The following PARD3 variants were observed in gnomAD, a reference collection of about 807,000 sequenced individuals.
PARD3 encodes partitioning defective 3 homolog.
PARD3 carries 75 observed loss-of-function variants against 155.4 expected under a neutral mutation model. The observed-to-expected ratio is 0.48, with a 90% CI of 0.40 to 0.58. The LOEUF is 0.58. Ranked by LOEUF, PARD3 falls within the 20% of genes least tolerant of loss-of-function variation. PARD3 has a pLI of 0.00. For missense variants in PARD3, 1,642 were observed against 1,721.7 expected (o/e 0.95, Z 0.82); for synonymous variants, 576 against 610.5 (o/e 0.94, Z 0.83).
At chr10:34,342,600 T>C (rs1433610491) in intron 15 of PARD3, among the ~76,000 whole-genome samples, 2 of 152,198 alleles carry the variant, frequency 1.3e-5, no homozygotes, top group East Asian at 3.9e-4. Flanking sequence ...TGGAGTGATC[T>C]TGATGCAAAA....
At chr10:34,406,416 G>A (rs181070932) in intron 5 of PARD3, among the ~76,000 whole-genome samples, 4 of 152,242 alleles carry the variant, frequency 2.6e-5, no homozygotes, top group African/African-American at 9.6e-5. Flanking sequence ...CCTAGAACAC[G>A]GGAGAAATGG....
In PARD3 at chr10:34,716,585, C is replaced by CTTTT. The variant is rs34751073; in HGVS notation, c.121-20170_121-20167dup. Among the ~76,000 whole-genome samples, 537 of 73,118 alleles carry CTTTT rather than the reference C, an allele frequency of 7.3e-3. 7 individuals carry two copies. Among genetic ancestry groups the CTTTT allele is most frequent in the Non-Finnish European group, 9.8e-3 (386 of 39,326 alleles). 48.0% of individuals were successfully genotyped at this position (73,118 alleles called of 152,430 possible). ...CTACGTGTGGCCCAGGATGGCTTTTCTTTTTTTTTTTTTTTTTTTTTTTTG... is the reference window on the plus strand; with the variant it reads ...CTACGTGTGGCCCAGGATGGCTTTTCTTTTTTTTTTTTTTTTTTTTTTTTTTTTG... On this transcript the variant is annotated intron_variant, in intron 1 of 24. Transcript: ENST00000374788.
In PARD3 at chr10:34,119,706, T is replaced by G; in HGVS notation, c.3575A>C (p.His1192Pro). 1 of 1,612,984 alleles carries G rather than the reference T, an allele frequency of 6.2e-7. No individual in the cohort carries two copies. The highest frequency in any genetic ancestry group is 8.5e-7 in the Non-Finnish European group (1 of 1,179,572). Residue 1192 changes from histidine to proline, a missense_variant, in exon 24 of 25, where the codon CAC becomes CCC. His to Pro is a moderately conservative substitution (Grantham distance 77). Coordinates refer to ENST00000374788, the MANE Select transcript of PARD3 (RefSeq NM_001184785.2). The part of the protein sequence containing the change: ...NARPATQSGR[H>P]SVSVEVQMQR... ...CATCTGCACCTCCACGGACACCGAGTGTCGCCCGCTCTGCGTCGCCGGCCG... is the reference window on the plus strand; with the variant it reads ...CATCTGCACCTCCACGGACACCGAGGGTCGCCCGCTCTGCGTCGCCGGCCG...
chr10:34,561,814 G>A (rs1012225887), intron 2 of PARD3, among the ~76,000 whole-genome samples: 4 of 151,176 alleles, frequency 2.6e-5, no homozygotes, highest in East Asian at 2.0e-4. Flanking sequence ...CACTGCGCCC[G>A]GCCCTGTAAC....
chr10:34,709,088 G>C (rs1420309344), intron 1 of PARD3, among the ~76,000 whole-genome samples: 1 of 152,046 alleles, frequency 6.6e-6, no homozygotes, highest in Non-Finnish European at 1.5e-5. Flanking sequence ...CAAAATGCTT[G>C]GGACCAAAAG....
chr10:34,286,516 G>A (rs920453091), intron 20 of PARD3, among the ~76,000 whole-genome samples: 1 of 152,262 alleles, frequency 6.6e-6, no homozygotes, highest in Non-Finnish European at 1.5e-5. Context: ...ATTGGCATGA[G>A]TCAGCAAGGC....
intron 2 of PARD3, among the ~76,000 whole-genome samples, chr10:34,687,844 A>ATTTTTTTT (rs1564509050): frequency 1.9e-4 from 11 of 57,354 alleles, no homozygotes; most frequent in Middle Eastern, 0.012. Context: ...TACACCTGAA[A>ATTTTTTTT]TCTTTTTTTT....
At chr10:34,615,897 T>C (rs774727266) in intron 2 of PARD3, among the ~76,000 whole-genome samples, 97 of 152,164 alleles carry the variant, frequency 6.4e-4, no homozygotes, top group Non-Finnish European at 9.1e-4. Context: ...TGTGATGTCA[T>C]CTCACCCCAG....
At chr10:34,427,442 C>T (rs2075674565) in intron 5 of PARD3, among the ~76,000 whole-genome samples, 1 of 152,166 alleles carries the variant, frequency 6.6e-6, no homozygotes, top group East Asian at 1.9e-4. Context: ...TTAGGAAATT[C>T]CAGCCTGGCG....
chr10:34,327,386 T>C (rs1835139141), intron 19 of PARD3, among the ~76,000 whole-genome samples: 2 of 152,170 alleles, frequency 1.3e-5, no homozygotes. Context: ...AGATGACAGA[T>C]ACCAGATACC....
chr10:34,735,003 A>AC (rs201470031), intron 1 of PARD3, among the ~76,000 whole-genome samples: 1 of 146,958 alleles, frequency 6.8e-6, no homozygotes, highest in African/African-American at 2.5e-5. Flanking sequence ...AAAAAAAAAA[A>AC]CCCCAAGAGC....
chr10:34,437,959 C>A (rs2076272293), intron 5 of PARD3, among the ~76,000 whole-genome samples: 1 of 152,038 alleles, frequency 6.6e-6, no homozygotes, highest in African/African-American at 2.4e-5. Flanking sequence ...TATAAGAACA[C>A]TTTTTTGGCT....
intron 20 of PARD3, chr10:34,312,414 T>C: frequency 6.2e-7 from 1 of 1,609,810 alleles, no homozygotes; most frequent in Non-Finnish European, 8.5e-7. Flanking sequence ...GACACACAGT[T>C]AGTACAGGTG....
intron 1 of PARD3, among the ~76,000 whole-genome samples, chr10:34,772,827 A>G (rs569326862): frequency 1.3e-5 from 2 of 151,360 alleles, no homozygotes; most frequent in East Asian, 1.9e-4. Context: ...CTATTTCTAC[A>G]TGGTTCTATA....
chr10:34,269,703 C>T lies in PARD3; in HGVS notation c.3373G>A (p.Ala1125Thr), dbSNP rs749829782. The T allele has an allele frequency of 3.1e-6, 5 of 1,613,956 alleles. No homozygotes were observed. The highest frequency in any genetic ancestry group is 4.2e-6 in the Non-Finnish European group (5 of 1,179,984). The change falls in exon 22 of 25, where the codon GCC becomes ACC. Residue 1125 changes from alanine (A) to threonine (T), a missense_variant. Ala to Thr is a moderately conservative substitution (Grantham distance 58). Transcript: ENST00000374788. ...GAATTCCGCGGCTTCTTGACTTGGG[C>T]ATACAAAGCATCCATCATATGCCCT... The part of the protein sequence containing the change: ...REGHMMDALY[A>T]QVKKPRNSKP...
At chr10:34,125,319 C>A (rs966523256) in intron 23 of PARD3, among the ~76,000 whole-genome samples, 1 of 152,112 alleles carries the variant, frequency 6.6e-6, no homozygotes, top group Admixed American at 6.5e-5. Context: ...CCCACCTGGG[C>A]CTCCCAAAGT....
intron 22 of PARD3, among the ~76,000 whole-genome samples, chr10:34,180,847 T>C (rs1950236755): frequency 6.6e-6 from 1 of 151,958 alleles, no homozygotes; most frequent in Non-Finnish European, 1.5e-5. Flanking sequence ...GAGTTCTAAA[T>C]GACAAAAAGG....
At chr10:34,626,225 G>A (rs1379424083) in intron 2 of PARD3, among the ~76,000 whole-genome samples, 1 of 152,208 alleles carries the variant, frequency 6.6e-6, no homozygotes, top group Non-Finnish European at 1.5e-5. Flanking sequence ...GGGACCAAGA[G>A]AAGAGCAGAC....
At chr10:34,735,715 G>GA (rs1386935938) in intron 1 of PARD3, among the ~76,000 whole-genome samples, 4 of 151,806 alleles carry the variant, frequency 2.6e-5, no homozygotes, top group Admixed American at 2.0e-4. Context: ...AGTATAAAAG[G>GA]AAAAAAAATT....
Sources: allele counts gnomAD v4.1 joint callset (sites outside exome capture counted in the v4.1 genomes callset), GRCh38; gene constraint gnomAD v4.1.1; transcripts MANE v1.5; gene names NCBI Gene and HGNC (gene_info 2026-07-23, HGNC 2026-07-21).